CNTNAP2: variants seen among roughly 807,000 people sequenced by gnomAD.
The protein encoded by CNTNAP2 is contactin associated protein 2.
A neutral mutation model predicts 155.2 loss-of-function variants in CNTNAP2; 98 were observed. That is an observed-to-expected ratio of 0.63 (90% CI 0.54 to 0.75). The LOEUF (loss-of-function observed/expected upper bound fraction) is 0.75. CNTNAP2 is among the 30% of genes least tolerant of loss of function. The probability of loss-of-function intolerance (pLI) is 0.00; values close to 1 mark genes in which losing one functional copy is unlikely to be tolerated. For synonymous variants in CNTNAP2, 651 were observed against 631.2 expected (o/e 1.03, Z -0.47); for missense variants, 1,727 against 1,688.1 (o/e 1.02, Z -0.40).
At chr7:146,908,148 A>C (rs974048368) in intron 3 of CNTNAP2, among the ~76,000 whole-genome samples, 74 of 152,252 alleles carry the variant, frequency 4.9e-4, no homozygotes, top group African/African-American at 1.8e-3. Context: ...CAGATTCATA[A>C]AGCAAGTCCT....
At chr7:146,425,356 G>A (rs1796072781) in intron 1 of CNTNAP2, among the ~76,000 whole-genome samples, 2 of 152,120 alleles carry the variant, frequency 1.3e-5, no homozygotes, top group African/African-American at 2.4e-5. Context: ...TCCTAGGAAA[G>A]TAGAAAATGC....
intron 1 of CNTNAP2, among the ~76,000 whole-genome samples, chr7:146,464,534 T>C (rs1333469194): frequency 2.6e-5 from 4 of 152,094 alleles, no homozygotes; most frequent in Non-Finnish European, 4.4e-5. Flanking sequence ...ATGGGAAAGA[T>C]ACTTTTTGAA....
At chr7:146,891,140 T>C (rs4527800) in intron 3 of CNTNAP2, among the ~76,000 whole-genome samples, 109,389 of 152,138 alleles carry the variant, frequency 0.72, 40,160 homozygotes, top group African/African-American at 0.87. Context: ...GAATTAATGC[T>C]GGAACAGAAA....
At chr7:146,826,106 A>C (rs1428864905) in intron 2 of CNTNAP2, among the ~76,000 whole-genome samples, 1 of 152,100 alleles carries the variant, frequency 6.6e-6, no homozygotes, top group African/African-American at 2.4e-5. Flanking sequence ...AGAGTCCCTG[A>C]GGCAGATGGC....
intron 18 of CNTNAP2, among the ~76,000 whole-genome samples, chr7:148,196,089 C>A (rs1369301298): frequency 1.3e-5 from 2 of 152,196 alleles, no homozygotes; most frequent in Admixed American, 1.3e-4. Flanking sequence ...AAAGCAAAAA[C>A]ACAAACAGCA....
chr7:146,596,461 G>A, intron 1 of CNTNAP2, among the ~76,000 whole-genome samples: 1 of 151,928 alleles, frequency 6.6e-6, no homozygotes. Context: ...GTTATGAGCT[G>A]ATGAGGCTAA....
At chr7:148,029,526 T>C (rs1802432001) in intron 15 of CNTNAP2, among the ~76,000 whole-genome samples, 1 of 152,236 alleles carries the variant, frequency 6.6e-6, no homozygotes, top group African/African-American at 2.4e-5. Context: ...ACATAGCTGC[T>C]GAAATGAAAC....
chr7:147,738,802 G>A (rs2116481882), intron 13 of CNTNAP2, among the ~76,000 whole-genome samples: 1 of 151,980 alleles, frequency 6.6e-6, no homozygotes, highest in Non-Finnish European at 1.5e-5. Flanking sequence ...TTACAGGCAT[G>A]TGCCACCGTG....
At chr7:146,685,522 C>G (rs1172071830) in intron 1 of CNTNAP2, among the ~76,000 whole-genome samples, 1 of 152,166 alleles carries the variant, frequency 6.6e-6, no homozygotes, top group African/African-American at 2.4e-5. Context: ...CATCCTTTCT[C>G]AGATATGACT....
chr7:148,073,616 G>A (rs927969021), intron 15 of CNTNAP2, among the ~76,000 whole-genome samples: 26 of 152,158 alleles, frequency 1.7e-4, no homozygotes, highest in African/African-American at 5.5e-4. Context: ...GTATATTATT[G>A]TAATTGTTCT....
chr7:146,753,279 C>G (rs1297883168), intron 1 of CNTNAP2, among the ~76,000 whole-genome samples: 1 of 151,346 alleles, frequency 6.6e-6, no homozygotes, highest in Non-Finnish European at 1.5e-5. Flanking sequence ...AAAAAATAGA[C>G]CAGGTGAGGT....
chr7:147,627,413 C>T (rs1197823658), intron 12 of CNTNAP2, among the ~76,000 whole-genome samples: 2 of 151,916 alleles, frequency 1.3e-5, no homozygotes, highest in Admixed American at 6.6e-5. Flanking sequence ...GATATTAAAA[C>T]AAGGTGGGGC....
intron 12 of CNTNAP2, among the ~76,000 whole-genome samples, chr7:147,612,636 G>T (rs1801209577): frequency 6.6e-6 from 1 of 151,928 alleles, no homozygotes; most frequent in South Asian, 2.1e-4. Flanking sequence ...CCTGAGCTCA[G>T]GCAATCTGCC....
rs1293782028 is a variant in CNTNAP2 at position 146,712,391 on chromosome 7, A to AGTATACATATCTTATGTATAC, written c.98-61880_98-61879insGTATACATATCTTATGTATAC. 7.2e-3 allele frequency among the ~76,000 whole-genome samples: 948 copies of AGTATACATATCTTATGTATAC among 132,118 alleles called. 4 individuals are homozygous for AGTATACATATCTTATGTATAC. Among genetic ancestry groups the AGTATACATATCTTATGTATAC allele is most frequent in the Admixed American group, 0.011 (141 of 13,006 alleles). The allele number at this position is 132,118 out of a possible 152,430, so 86.7% of individuals were successfully genotyped here. A position where few individuals can be genotyped will look rare whatever the true frequency, so the allele number is the denominator to read the frequency against. ...TATACATATCTTATGTATACTATAT[A>AGTATACATATCTTATGTATAC]TATAAATAAAATAAAAAACAGGAAA... On this transcript the variant is annotated intron_variant, in intron 1 of 23. Transcript: ENST00000361727.
At chr7:147,321,751 A>G (rs1193134697) in intron 9 of CNTNAP2, among the ~76,000 whole-genome samples, 1 of 152,200 alleles carries the variant, frequency 6.6e-6, no homozygotes, top group Non-Finnish European at 1.5e-5. Context: ...ATATTTAGCT[A>G]CGGTATAACA....
intron 3 of CNTNAP2, among the ~76,000 whole-genome samples, chr7:146,850,466 C>A (rs73459386): frequency 0.039 from 5,964 of 152,102 alleles, 388 homozygotes; most frequent in African/African-American, 0.13. Context: ...ATAATAACAG[C>A]CAACCAACAC....
At chr7:147,038,089 A>G (rs907176192) in intron 3 of CNTNAP2, among the ~76,000 whole-genome samples, 8 of 152,164 alleles carry the variant, frequency 5.3e-5, no homozygotes, top group African/African-American at 1.9e-4. Context: ...CAGGAATTCA[A>G]GGGTTACAGT....
chr7:146,518,531 G>T (rs148102442), intron 1 of CNTNAP2, among the ~76,000 whole-genome samples: 17 of 151,852 alleles, frequency 1.1e-4, no homozygotes, highest in African/African-American at 4.1e-4. Context: ...TCTGCATGTA[G>T]AAAATAATTT....
At chr7:147,735,597 G>T (rs527891305) in intron 13 of CNTNAP2, among the ~76,000 whole-genome samples, 3 of 152,206 alleles carry the variant, frequency 2.0e-5, no homozygotes, top group African/African-American at 7.2e-5. Context: ...CTGTCTTGTT[G>T]ATCTGTCTAA....
Sources: allele counts gnomAD v4.1 joint callset (sites outside exome capture counted in the v4.1 genomes callset), GRCh38; gene constraint gnomAD v4.1.1; transcripts MANE v1.5; gene names NCBI Gene and HGNC (gene_info 2026-07-23, HGNC 2026-07-21).